The following CYP3A5 variants were observed in gnomAD, a reference collection of about 807,000 sequenced individuals.
CYP3A5 encodes the protein cytochrome P450 3A5.
Under a neutral mutation model 55.9 loss-of-function variants are expected in CYP3A5, and 51 were observed. The ratio of observed to expected loss-of-function variants is 0.91; its 90% CI spans 0.73 to 1.15. The LOEUF (loss-of-function observed/expected upper bound fraction) is 1.15, where lower values mean the gene tolerates loss of function less well. CYP3A5 is among the 50% of genes most tolerant of loss of function. CYP3A5 has a pLI of 0.00. For synonymous variants in CYP3A5, 196 were observed against 213.9 expected (o/e 0.92, Z 0.73); for missense variants, 533 against 596.6 (o/e 0.89, Z 1.11).
rs539800389 is a variant in CYP3A5 at position 99,675,229 on chromosome 7, C to T, written c.166-644G>A. On this transcript the variant is annotated intron_variant, in intron 2 of 12. Transcript: ENST00000222982. ...ACATCACACCCAGCAAATTACAATG[C>T]GTGCTCTGAGCTTTCACTTCTGAAA... Among the ~76,000 whole-genome samples, 6 of 152,310 alleles carry T rather than the reference C, an allele frequency of 3.9e-5. No homozygotes were observed. In the South Asian group the frequency reaches 1.2e-3, roughly 32 times the overall value.
Position 99,674,531 on chromosome 7 carries a change from AC to A in CYP3A5, c.218+1del. ...TCCAATGGAGGTTTTCAGAATACTC[AC>A]CCCCACATTTTTCCATACTTTTTAT... On this transcript the variant is annotated splice_donor_variant, in intron 3 of 12. Transcript: ENST00000222982. LOFTEE classifies it high-confidence loss of function. 1 of 1,613,114 alleles carries A rather than the reference AC, an allele frequency of 6.2e-7. No individual in the cohort carries two copies. Among genetic ancestry groups the A allele is most frequent in the Non-Finnish European group, 8.5e-7 (1 of 1,179,370 alleles).
At chr7:99,674,490 C>T (rs753451091) in intron 3 of CYP3A5, 43 bp downstream of exon 3, 1 of 1,529,256 alleles carries the variant, frequency 6.5e-7, no homozygotes, top group Non-Finnish European at 9.1e-7. Context: ...GTAACCTCCT[C>T]ACAGTAGCAG....
At chr7:99,659,586 C>G (rs1318346027) in intron 10 of CYP3A5, 1 of 152,866 alleles carries the variant, frequency 6.5e-6, no homozygotes, top group East Asian at 1.9e-4. Flanking sequence ...GGGAGAACCA[C>G]TACTCTCTTC....
In CYP3A5 at chr7:99,666,626, T is replaced by A. The variant is rs1209004470; in HGVS notation, c.496A>T (p.Lys166Ter). 1 of 1,613,848 alleles carries A rather than the reference T, an allele frequency of 6.2e-7. No individual in the cohort carries two copies. The highest frequency in any genetic ancestry group is 1.7e-5 in the Admixed American group (1 of 60,006). Reference protein sequence around the residue: ...LVRNLRREAEKGKPVTLKDIF... With the variant: ...LVRNLRREAE Reference sequence around the variant, plus strand: ...TCTTTCAAGGTGACAGGCTTGCCTTTCTCTGCTTCCCGCCTCAAGTTTCTC... The same window carrying A: ...TCTTTCAAGGTGACAGGCTTGCCTTACTCTGCTTCCCGCCTCAAGTTTCTC... The change falls in exon 6 of 13, where the codon AAA becomes TAA. Residue 166 changes from lysine (K) to a stop codon, truncating the protein, a stop_gained. Transcript: ENST00000222982. LOFTEE classifies it high-confidence loss of function.
intron 10 of CYP3A5, 67 bp from the exon 11 acceptor site, chr7:99,652,846 G>A (rs1809328255): frequency 2.5e-6 from 3 of 1,212,978 alleles, no homozygotes; most frequent in Non-Finnish European, 3.6e-6. Context: ...AGTCCATGCA[G>A]TACTATTGAA....
At chr7:99,648,872 A>C (rs1808876706) in intron 12 of CYP3A5, among the ~76,000 whole-genome samples, 1 of 152,198 alleles carries the variant, frequency 6.6e-6, no homozygotes, top group Admixed American at 6.5e-5. Flanking sequence ...AACCCTTCCC[A>C]GTTGAACCCA....
At position 99,674,531 on chromosome 7, in the gene CYP3A5, A is replaced by T. The variant is rs1404335864; in HGVS notation, c.218+2T>A. On this transcript the variant is annotated splice_donor_variant, in intron 3 of 12. Transcript: ENST00000222982. LOFTEE classifies it high-confidence loss of function. The stretch of plus-strand genomic sequence containing the variant: ...TCCAATGGAGGTTTTCAGAATACTC[A>T]CCCCCACATTTTTCCATACTTTTTA... 1.9e-6 allele frequency: 3 copies of T among 1,613,114 alleles called. No individual in the cohort carries two copies. Among genetic ancestry groups the T allele is most frequent in the Non-Finnish European group, 2.5e-6 (3 of 1,179,370 alleles).
intron 8 of CYP3A5, 109 bp downstream of exon 8, chr7:99,663,858 TA>T (rs1260348076): frequency 7.0e-7 from 1 of 1,436,438 alleles, no homozygotes; most frequent in Non-Finnish European, 9.1e-7. Flanking sequence ...GTTCTAAACA[TA>T]AGTTCTCTGT....
chr7:99,672,254 G>A (rs1811734083), intron 4 of CYP3A5, among the ~76,000 whole-genome samples: 1 of 152,156 alleles, frequency 6.6e-6, no homozygotes. Flanking sequence ...GTTTCACCAT[G>A]TTGGTCAGGC....
intron 3 of CYP3A5, among the ~76,000 whole-genome samples, chr7:99,673,483 A>G (rs1182414369): frequency 6.6e-6 from 1 of 152,250 alleles, no homozygotes; most frequent in Non-Finnish European, 1.5e-5. Context: ...AGTAAGTGCA[A>G]TGGTATAAAC....
chr7:99,676,669 G>A (rs549774200), intron 1 of CYP3A5: 12 of 704,298 alleles, frequency 1.7e-5, no homozygotes, highest in South Asian at 1.5e-4. Flanking sequence ...GTCACTGGGA[G>A]CCTATGGTGA....
At chr7:99,660,722 G>T in intron 9 of CYP3A5, 63 bp from the exon 10 acceptor site, 7 of 1,554,924 alleles carry the variant, frequency 4.5e-6, no homozygotes, top group Non-Finnish European at 6.2e-6. Flanking sequence ...CAGCTTAGAT[G>T]AAATCTAAGT....
chr7:99,650,072 C>T lies in CYP3A5; in HGVS notation c.1413+1G>A. 2 of 1,614,000 alleles carry T rather than the reference C, an allele frequency of 1.2e-6. No individual in the cohort carries two copies. Among genetic ancestry groups the T allele is most frequent in the Non-Finnish European group, 1.7e-6 (2 of 1,179,930 alleles). ...ATAAAACATACAGAAAGTGTACTGA[C>T]CTGTGTTTCTTTACAAGGTTTGAAG... On this transcript the variant is annotated splice_donor_variant, in intron 12 of 12. Transcript: ENST00000222982. LOFTEE classifies it high-confidence loss of function.
chr7:99,679,292 G>A (rs1206096380), intron 1 of CYP3A5, among the ~76,000 whole-genome samples: 1 of 152,100 alleles, frequency 6.6e-6, no homozygotes, highest in African/African-American at 2.4e-5. Flanking sequence ...TGAAGTCTTG[G>A]TGTCCCCTGG....
At position 99,675,638 on chromosome 7, in the gene CYP3A5, T is replaced by A. The variant is rs145606732; in HGVS notation, c.165+477A>T. On this transcript the variant is annotated intron_variant, in intron 2 of 12. Coordinates refer to ENST00000222982, the MANE Select transcript of CYP3A5 (RefSeq NM_000777.5). The stretch of plus-strand genomic sequence containing the variant: ...TCTCCTCTCCTTTTCTCTCCTCTCC[T>A]CTCCTCCCCCCTCCCCTCCCCTCCC... 8.8e-3 allele frequency among the ~76,000 whole-genome samples: 25 copies of A among 2,854 alleles called. 2 individuals carry two copies. Among genetic ancestry groups the A allele is most frequent in the African/African-American group, 0.014 (9 of 630 alleles). The allele number at this position is 2,854 out of a possible 152,430, so 1.9% of individuals were successfully genotyped here.
chr7:99,653,842 G>A lies in CYP3A5; in HGVS notation c.1027-1063C>T, dbSNP rs945172747. On this transcript the variant is annotated intron_variant, in intron 10 of 12. Coordinates refer to ENST00000222982, the MANE Select transcript of CYP3A5 (RefSeq NM_000777.5). The surrounding 1 kb of genome is among the most constrained non-coding windows in gnomAD (Gnocchi z 4.2). ...TATATTTGGGAGGCAGTATTGTAGA[G>A]GGTTAGAGTTTAGCTCAGGAGTCAG... Among the ~76,000 whole-genome samples, 2 of 152,238 alleles carry A rather than the reference G, an allele frequency of 1.3e-5. No individual in the cohort carries two copies. Among genetic ancestry groups the A allele is most frequent in the African/African-American group, 4.8e-5 (2 of 41,454 alleles).
chr7:99,658,354 T>G (rs1397806259), intron 10 of CYP3A5, among the ~76,000 whole-genome samples: 1 of 152,208 alleles, frequency 6.6e-6, no homozygotes, highest in Non-Finnish European at 1.5e-5. Flanking sequence ...TTAGTTTGGC[T>G]GGAAATGAAA....
At position 99,674,493 on chromosome 7, in the gene CYP3A5, A is replaced by G. The variant is rs376380397; in HGVS notation, c.218+40T>C. The G allele has an allele frequency of 1.6e-5, 24 of 1,538,844 alleles. No individual in the cohort carries two copies. In the African/African-American group the frequency reaches 3.0e-4, roughly 19 times the overall value. On this transcript the variant is annotated intron_variant, in intron 3 of 12. Coordinates refer to ENST00000222982, the MANE Select transcript of CYP3A5 (RefSeq NM_000777.5). ...TCCTGCAGTGGGGTAACCTCCTCAC[A>G]GTAGCAGGTCTATCCAATGGAGGTT...
rs768855104 is a variant in CYP3A5 at position 99,660,670 on chromosome 7, A to C, written c.866-11T>G. 1 of 1,613,332 alleles carries C rather than the reference A, an allele frequency of 6.2e-7. No individual in the cohort carries two copies. The highest frequency in any genetic ancestry group is 8.5e-7 in the Non-Finnish European group (1 of 1,179,558). On this transcript the variant is annotated splice_polypyrimidine_tract_variant and intron_variant, in intron 9 of 12. Coordinates refer to ENST00000222982, the MANE Select transcript of CYP3A5 (RefSeq NM_000777.5). ...CCAGATCAGACAGAGCTGAAAGGAG[A>C]GGAAAGACATTTTAGGTAAATCAGG...
Sources: gnomAD v4.1 joint callset for allele counts (sites outside exome capture counted in the v4.1 genomes callset) on GRCh38, gnomAD v4.1.1 for gene constraint, Gnocchi (gnomAD v3.1) non-coding constraint, MANE v1.5 for transcripts, NCBI Gene and HGNC (gene_info 2026-07-23, HGNC 2026-07-21) for gene names.